Variants in SAMD12 observed in about 807,000 individuals in gnomAD.
SAMD12 encodes sterile alpha motif domain containing 12, also known as sterile alpha motif domain-containing protein 12.
Under a neutral mutation model 15.0 loss-of-function variants are expected in SAMD12, and 9 were observed. The ratio of observed to expected loss-of-function variants is 0.60; its 90% CI spans 0.36 to 1.05. The LOEUF (loss-of-function observed/expected upper bound fraction) is 1.05, where lower values mean the gene tolerates loss of function less well. SAMD12 is among the 50% of genes least tolerant of loss of function. The pLI is 0.01. For missense variants in SAMD12, 230 were observed against 234.2 expected (o/e 0.98, Z 0.12); for synonymous variants, 86 against 90.1 (o/e 0.96, Z 0.25).
the SAMD12 span, among the ~76,000 whole-genome samples, chr8:118,179,603 T>A: frequency 1.3e-5 from 2 of 152,214 alleles, no homozygotes; most frequent in Non-Finnish European, 2.9e-5. Flanking sequence ...CTTCCTTTTC[T>A]CTTTCCTCCT....
At chr8:118,290,286 C>T (rs1312236497) in intron 4 of SAMD12, among the ~76,000 whole-genome samples, 3 of 152,172 alleles carry the variant, frequency 2.0e-5, no homozygotes, top group Non-Finnish European at 4.4e-5. Context: ...AAAAACTCTC[C>T]AGCCTCACAA....
intron 4 of SAMD12, among the ~76,000 whole-genome samples, chr8:118,270,209 A>G (rs1394789245): frequency 6.6e-6 from 1 of 152,176 alleles, no homozygotes; most frequent in Non-Finnish European, 1.5e-5. Context: ...TGTTAATACT[A>G]ACTTCTTCTG....
chr8:118,287,120 ATAT>A (rs1253366244), intron 4 of SAMD12, among the ~76,000 whole-genome samples: 4 of 132,844 alleles, frequency 3.0e-5, no homozygotes, highest in African/African-American at 1.2e-4. Flanking sequence ...GTAAGGAAGA[ATAT>A]TTTTTTTTTT....
chr8:118,350,555 G>C (rs73325629), intron 4 of SAMD12, among the ~76,000 whole-genome samples: 5,652 of 152,232 alleles, frequency 0.037, 338 homozygotes, highest in African/African-American at 0.13. Context: ...AGAATGTGAA[G>C]TGCTGACCGA....
chr8:118,206,685 C>T (rs1369583000), intron 4 of SAMD12, among the ~76,000 whole-genome samples: 4 of 152,202 alleles, frequency 2.6e-5, no homozygotes, highest in Non-Finnish European at 5.9e-5. Context: ...GAGTGTTTCT[C>T]AAACTTTACT....
intron 3 of SAMD12, among the ~76,000 whole-genome samples, chr8:118,416,261 G>A (rs527728848): frequency 4.5e-4 from 69 of 152,200 alleles, no homozygotes; most frequent in African/African-American, 1.5e-3. Context: ...TCATAATTAC[G>A]TTATCCTTAA....
At chr8:118,206,567 C>A (rs1819868264) in intron 4 of SAMD12, among the ~76,000 whole-genome samples, 1 of 152,162 alleles carries the variant, frequency 6.6e-6, no homozygotes, top group South Asian at 2.1e-4. Flanking sequence ...CCTGCATTGC[C>A]TTGGGGGCTT....
At chr8:118,398,417 T>C (rs966982490) in intron 3 of SAMD12, among the ~76,000 whole-genome samples, 1 of 151,796 alleles carries the variant, frequency 6.6e-6, no homozygotes, top group Non-Finnish European at 1.5e-5. Flanking sequence ...AATAAAAAAA[T>C]AAAAAATAAA....
At chr8:118,477,144 C>A (rs1823984025) in intron 2 of SAMD12, among the ~76,000 whole-genome samples, 1 of 151,702 alleles carries the variant, frequency 6.6e-6, no homozygotes, top group African/African-American at 2.4e-5. Context: ...CGGCTCACTG[C>A]AACTTCCACC....
intron 4 of SAMD12, among the ~76,000 whole-genome samples, chr8:118,222,994 C>G (rs762355517): frequency 9.9e-5 from 15 of 151,980 alleles, no homozygotes; most frequent in Admixed American, 2.6e-4. Flanking sequence ...CCAGCAGCCT[C>G]GAGAATGGGT....
chr8:118,487,553 T>C (rs1004387352), intron 2 of SAMD12, among the ~76,000 whole-genome samples: 1 of 152,224 alleles, frequency 6.6e-6, no homozygotes, highest in Non-Finnish European at 1.5e-5. Flanking sequence ...ATGCCTCATG[T>C]TGCTTCTGAA....
intron 2 of SAMD12, among the ~76,000 whole-genome samples, chr8:118,549,529 G>A (rs138372954): frequency 0.013 from 2,029 of 152,314 alleles, 25 homozygotes; most frequent in Middle Eastern, 0.031. Flanking sequence ...AAACCCATCT[G>A]TATATCTCCA....
At chr8:118,420,264 A>T (rs912200664) in intron 3 of SAMD12, among the ~76,000 whole-genome samples, 27 of 152,232 alleles carry the variant, frequency 1.8e-4, no homozygotes, top group African/African-American at 6.5e-4. Context: ...TTGTGGTGCT[A>T]TGTTTTGCAT....
At chr8:118,410,101 G>GT (rs1821336004) in intron 3 of SAMD12, among the ~76,000 whole-genome samples, 1 of 152,094 alleles carries the variant, frequency 6.6e-6, no homozygotes, top group African/African-American at 2.4e-5. Flanking sequence ...ATTTAGAAAT[G>GT]TTTTTCCATG....
At chr8:118,382,748 T>C (rs2130723102) in intron 3 of SAMD12, among the ~76,000 whole-genome samples, 1 of 152,292 alleles carries the variant, frequency 6.6e-6, no homozygotes, top group Middle Eastern at 3.4e-3. Flanking sequence ...GGTTCTAATT[T>C]TTCCCACTCT....
In SAMD12 at chr8:118,536,449, C is replaced by G. The variant is rs34944228; in HGVS notation, c.192+44266G>C. Among the ~76,000 whole-genome samples the G allele has an allele frequency of 1.1e-3, 165 of 149,360 alleles. 3 individuals carry two copies. In the East Asian group the frequency reaches 0.02, roughly 18 times the overall value. ...CTATGTAGACTGATACACAAACACA[C>G]ACACACACACACACACACACACACA... On this transcript the variant is annotated intron_variant, in intron 2 of 3. Coordinates refer to ENST00000314727, the MANE Select transcript of SAMD12 (RefSeq NM_207506.3).
chr8:118,178,466 TA>T, the SAMD12 span, among the ~76,000 whole-genome samples: 3 of 151,948 alleles, frequency 2.0e-5, no homozygotes, highest in African/African-American at 7.2e-5. Context: ...TTTTTTAAAT[TA>T]AAAAAAATTG....
chr8:118,580,762 G>A lies in SAMD12; in HGVS notation c.145C>T (p.Gln49Ter). The change falls in exon 2 of 4, where the codon CAG (glutamine) becomes TAG (stop). Residue 49 changes from glutamine to a stop codon, truncating the protein, a stop_gained. Coordinates refer to ENST00000314727, the MANE Select transcript of SAMD12 (RefSeq NM_207506.3). LOFTEE classifies it high-confidence loss of function. ...TGCAGTCGCTTGGGAGTTCCTTTCT[G>A]GTCAGGCACCTTCTGGAAATTTTTA... Reference protein sequence around the residue: ...KNKNFQKVPDQKGTPKRLQAE... With the variant: ...KNKNFQKVPD The A allele has an allele frequency of 6.2e-7, 1 of 1,613,028 alleles. No homozygotes were observed. The highest frequency in any genetic ancestry group is 8.5e-7 in the Non-Finnish European group (1 of 1,179,258).
At chr8:118,578,408 T>C (rs1450103248) in intron 2 of SAMD12, among the ~76,000 whole-genome samples, 3 of 152,228 alleles carry the variant, frequency 2.0e-5, no homozygotes, top group Non-Finnish European at 1.5e-5. Flanking sequence ...ATTTAAAATT[T>C]TGATAACTAT....
Sources: allele counts gnomAD v4.1 joint callset (sites outside exome capture counted in the v4.1 genomes callset), GRCh38; gene constraint gnomAD v4.1.1; transcripts MANE v1.5; gene names NCBI Gene and HGNC (gene_info 2026-07-23, HGNC 2026-07-21).